BMP8B: variants seen among roughly 807,000 people sequenced by gnomAD.
BMP8B encodes bone morphogenetic protein 8 (osteogenic protein 2).
In BMP8B, 17 loss-of-function variants were observed where a neutral mutation model predicts 30.3. That is an observed-to-expected ratio of 0.56 (90% CI 0.38 to 0.84). BMP8B has a LOEUF of 0.84. BMP8B is among the 40% of genes least tolerant of loss of function. The probability of loss-of-function intolerance (pLI) is 0.00; values close to 1 mark genes in which losing one functional copy is unlikely to be tolerated. For synonymous variants in BMP8B, 131 were observed against 214.7 expected, an observed-to-expected ratio of 0.61 and a Z score of 3.41; for missense variants, 253 against 494.6, an observed-to-expected ratio of 0.51 and a Z score of 4.63.
At chr1:39,775,203 G>C (rs572277625) in intron 1 of BMP8B, among the ~76,000 whole-genome samples, 165 bp from the exon 2 acceptor site, 1 of 152,322 alleles carries the variant, frequency 6.6e-6, no homozygotes, top group African/African-American at 2.4e-5. Flanking sequence ...TTTGTTCCAG[G>C]CTTGGTCCCG....
intron 1 of BMP8B, among the ~76,000 whole-genome samples, chr1:39,775,589 G>C (rs1336845601): frequency 6.6e-6 from 1 of 152,242 alleles, no homozygotes; most frequent in Non-Finnish European, 1.5e-5. Context: ...GCTGAGGCAT[G>C]AGTGCGAATC....
chr1:39,788,667 A>G lies in BMP8B; in HGVS notation c.-182T>C, dbSNP rs145492691. The G allele has an allele frequency of 0.027, 11,343 of 420,674 alleles. 238 individuals are homozygous for G. The highest frequency in any genetic ancestry group is 0.13 in the East Asian group (796 of 6,182). 26.1% of individuals were successfully genotyped at this position (420,674 alleles called of 1,614,324 possible). On this transcript the variant is annotated 5_prime_UTR_variant, in exon 1 of 7. Coordinates refer to ENST00000372827, the MANE Select transcript of BMP8B (RefSeq NM_001720.5). This position sits in a 1 kb window ranked among gnomAD's most constrained non-coding sequence, Gnocchi z 5.8. ...CGGTCCCTGGAGCGCCCGCCGCGCG[A>G]CACCTGTCCTGGCTCCTGGACGAGA...
At chr1:39,784,448 G>A (rs900554975) in intron 1 of BMP8B, among the ~76,000 whole-genome samples, 6 of 141,570 alleles carry the variant, frequency 4.2e-5, no homozygotes, top group East Asian at 2.1e-4. Context: ...CCGATGGGGC[G>A]TTGCTGTCTA....
chr1:39,760,520 T>C lies in BMP8B; in HGVS notation c.1108A>G (p.Thr370Ala). The part of the protein sequence containing the change: ...DAVPKACCAP[T>A]KLSATSVLYY... ...AGCACAGAGGTGGCGCTCAGCTTGG[T>C]GGGTGCACAGCACGCCTTGGGGACT... The change falls in exon 7 of 7, where the codon ACC becomes GCC. Residue 370 changes from threonine to alanine, a missense_variant. Around this residue, in one of 7 missense-constraint regions of BMP8B, gnomAD observed 116 missense variants for 142.3 expected, o/e 0.81. Coordinates refer to ENST00000372827, the MANE Select transcript of BMP8B (RefSeq NM_001720.5). The C allele has an allele frequency of 6.2e-7, 1 of 1,614,104 alleles. No homozygotes were observed. Among genetic ancestry groups the C allele is most frequent in the Non-Finnish European group, 8.5e-7 (1 of 1,180,016 alleles).
intron 1 of BMP8B, among the ~76,000 whole-genome samples, chr1:39,775,369 G>GGA (rs1650152546): frequency 6.6e-6 from 1 of 152,144 alleles, no homozygotes; most frequent in African/African-American, 2.4e-5. Flanking sequence ...GACAGAGGAG[G>GGA]GAGCCTCCTC....
chr1:39,764,231 C>T (rs1317426644), intron 4 of BMP8B, among the ~76,000 whole-genome samples: 9 of 152,232 alleles, frequency 5.9e-5, no homozygotes, highest in Non-Finnish European at 1.2e-4. Flanking sequence ...CAGGCCTGTC[C>T]CTGATCCTGA....
chr1:39,762,128 C>T (rs1341639971), intron 6 of BMP8B, among the ~76,000 whole-genome samples: 1 of 152,242 alleles, frequency 6.6e-6, no homozygotes, highest in Non-Finnish European at 1.5e-5. Flanking sequence ...CAGCAAACAC[C>T]ATTTGACTGC....
At chr1:39,780,629 C>T (rs1035313884) in intron 1 of BMP8B, among the ~76,000 whole-genome samples, 21 of 152,354 alleles carry the variant, frequency 1.4e-4, no homozygotes, top group African/African-American at 5.0e-4. Context: ...CAGTGGCTCA[C>T]GCCTGTCATC....
At chr1:39,783,777 G>A (rs931960848) in intron 1 of BMP8B, among the ~76,000 whole-genome samples, 6 of 152,190 alleles carry the variant, frequency 3.9e-5, no homozygotes, top group Non-Finnish European at 1.5e-5. Context: ...GGACATGGTG[G>A]TGCACACCTG....
chr1:39,768,380 C>T (rs1342500381), intron 3 of BMP8B, among the ~76,000 whole-genome samples: 7 of 130,022 alleles, frequency 5.4e-5, no homozygotes, highest in African/African-American at 2.2e-4. Context: ...GGCAGCCTCT[C>T]CCCTCTCAGT....
At position 39,769,759 on chromosome 1, in the gene BMP8B, C is replaced by T. The variant is rs369576716; in HGVS notation, c.673+4549G>A. 6.3e-5 allele frequency: 101 copies of T among 1,612,358 alleles called. No homozygotes were observed. The South Asian group carries it at 7.7e-4, about 12-fold the overall frequency. Reference sequence around the variant, plus strand: ...TCGGGGACACAGCAAAGGCACACCCCGTGCTCTTTTTGATGTCGTCCACCG... The same window carrying T: ...TCGGGGACACAGCAAAGGCACACCCTGTGCTCTTTTTGATGTCGTCCACCG... On this transcript the variant is annotated intron_variant, in intron 3 of 6. Coordinates refer to ENST00000372827, the MANE Select transcript of BMP8B (RefSeq NM_001720.5).
At chr1:39,779,863 C>T (rs1285539487) in intron 1 of BMP8B, among the ~76,000 whole-genome samples, 1 of 152,218 alleles carries the variant, frequency 6.6e-6, no homozygotes, top group East Asian at 1.9e-4. Flanking sequence ...CATATTGTTG[C>T]ACATTGTTCT....
At position 39,771,170 on chromosome 1, in the gene BMP8B, G is replaced by T. The variant is rs1246054179; in HGVS notation, c.673+3138C>A. 5 of 1,550,506 alleles carry T rather than the reference G, an allele frequency of 3.2e-6. No individual in the cohort carries two copies. The highest frequency in any genetic ancestry group is 3.5e-6 in the Non-Finnish European group (4 of 1,142,336). ...CCGGGGACTGGTGGCAAAGCAGCGGGCGCAGCCCTGGGACAGCGCGAGCCC... is the reference window on the plus strand; with the variant it reads ...CCGGGGACTGGTGGCAAAGCAGCGGTCGCAGCCCTGGGACAGCGCGAGCCC... On this transcript the variant is annotated intron_variant, in intron 3 of 6. Transcript: ENST00000372827.
At chr1:39,787,963 C>G (rs1303707064) in intron 1 of BMP8B, among the ~76,000 whole-genome samples, 189 bp downstream of exon 1, 2 of 152,198 alleles carry the variant, frequency 1.3e-5, no homozygotes, top group Non-Finnish European at 2.9e-5. Flanking sequence ...TGCTCCTGAC[C>G]ACCCCGCAGC....
chr1:39,770,773 G>C (rs1649912634), intron 3 of BMP8B: 1 of 885,324 alleles, frequency 1.1e-6, no homozygotes. Context: ...CCAGGGTCCC[G>C]TAGCCCGTGG....
At chr1:39,762,898 C>CTA (rs1296743606) in intron 6 of BMP8B, among the ~76,000 whole-genome samples, 194 bp downstream of exon 6, 1 of 152,232 alleles carries the variant, frequency 6.6e-6, no homozygotes, top group Non-Finnish European at 1.5e-5. Context: ...GGGTGCGAGT[C>CTA]TACGTGTAGT....
intron 5 of BMP8B, 52 bp from the exon 6 acceptor site, chr1:39,763,254 T>C: frequency 6.6e-7 from 1 of 1,525,696 alleles, no homozygotes; most frequent in Non-Finnish European, 9.0e-7. Context: ...TCCCTGAGCC[T>C]CAGGGCCCAA....
intron 5 of BMP8B, 115 bp downstream of exon 5, chr1:39,763,597 G>T: frequency 1.4e-6 from 2 of 1,402,202 alleles, no homozygotes; most frequent in East Asian, 2.5e-5. Flanking sequence ...AAACACAGAA[G>T]AAAAAAATAC....
chr1:39,782,156 A>AC (rs1225591269), intron 1 of BMP8B, among the ~76,000 whole-genome samples: 1 of 151,292 alleles, frequency 6.6e-6, no homozygotes, highest in South Asian at 2.1e-4. Flanking sequence ...CATCTCAAAA[A>AC]AAAAAAAAAC....
Sources: allele counts gnomAD v4.1 joint callset (sites outside exome capture counted in the v4.1 genomes callset), GRCh38; gene constraint gnomAD v4.1.1; regional missense constraint gnomAD v4.1.1; non-coding constraint Gnocchi (gnomAD v3.1); transcripts MANE v1.5; gene names NCBI Gene and HGNC (gene_info 2026-07-23, HGNC 2026-07-21).